Variants in PTPRJ observed in about 807,000 individuals in gnomAD.
The protein encoded by PTPRJ is protein tyrosine phosphatase receptor type J, also known as receptor-type tyrosine-protein phosphatase eta.
A neutral mutation model predicts 141.3 loss-of-function variants in PTPRJ; 129 were observed. The observed-to-expected ratio is 0.91, with a 90% CI of 0.79 to 1.06. PTPRJ has a LOEUF of 1.06. Ranked by LOEUF, PTPRJ falls within the 50% of genes least tolerant of loss-of-function variation. The probability of loss-of-function intolerance (pLI) is 0.00; values close to 1 mark genes in which losing one functional copy is unlikely to be tolerated. For synonymous variants in PTPRJ, 610 were observed against 640.5 expected (o/e 0.95, Z 0.72); for missense variants, 1,601 against 1,679.7 (o/e 0.95, Z 0.82).
intron 1 of PTPRJ, among the ~76,000 whole-genome samples, chr11:48,016,771 G>A (rs1281095228): frequency 2.6e-5 from 4 of 152,114 alleles, no homozygotes; most frequent in Admixed American, 2.6e-4. Context: ...GCTAATGATG[G>A]TGGTGATGGT....
In PTPRJ at chr11:48,051,084, CTTTTTTTTTTTTT is replaced by C. The variant is rs59987198; in HGVS notation, c.97-58957_97-58945del. Among the ~76,000 whole-genome samples the C allele has an allele frequency of 3.4e-4, 27 of 79,318 alleles. No homozygotes were observed. In the South Asian group the frequency reaches 8.1e-3, roughly 24 times the overall value. 52.0% of individuals were successfully genotyped at this position (79,318 alleles called of 152,430 possible). On this transcript the variant is annotated intron_variant, in intron 1 of 24. Transcript: ENST00000418331. Reference sequence around the variant, plus strand: ...GAGGTGATAGCCAGTTAACTGATGACTTTTTTTTTTTTTTTTTTTTTTTTTTTTTGAGATGGAA... The same window carrying C: ...GAGGTGATAGCCAGTTAACTGATGACTTTTTTTTTTTTTTTTGAGATGGAA...
At chr11:48,032,475 C>T (rs1227538086) in intron 1 of PTPRJ, among the ~76,000 whole-genome samples, 11 of 152,154 alleles carry the variant, frequency 7.2e-5, no homozygotes, top group African/African-American at 2.4e-4. Flanking sequence ...AAATCTAGGC[C>T]GGGTGCGGTG....
At chr11:47,985,146 C>T (rs540197822) in intron 1 of PTPRJ, among the ~76,000 whole-genome samples, 8 of 152,058 alleles carry the variant, frequency 5.3e-5, no homozygotes, top group South Asian at 2.1e-4. Flanking sequence ...CCACCGTGCC[C>T]GGCCTGTTTT....
chr11:48,025,341 C>T (rs148131638), intron 1 of PTPRJ, among the ~76,000 whole-genome samples: 182 of 152,232 alleles, frequency 1.2e-3, no homozygotes, highest in Middle Eastern at 6.8e-3. Flanking sequence ...AAAGTACAGC[C>T]CCAGAAAACC....
At chr11:47,999,675 A>G (rs1454693961) in intron 1 of PTPRJ, among the ~76,000 whole-genome samples, 1 of 152,116 alleles carries the variant, frequency 6.6e-6, no homozygotes, top group Non-Finnish European at 1.5e-5. Context: ...TGTGTTGTTA[A>G]TATGTAGCCA....
In PTPRJ at chr11:48,127,851, A is replaced by T; in HGVS notation, c.1165A>T (p.Ser389Cys). The change falls in exon 7 of 25, where the codon AGC (serine) becomes TGC (cysteine). Residue 389 changes from serine (S) to cysteine (C), a missense_variant. Physicochemically the swap from Ser to Cys is moderately radical, Grantham distance 112. Coordinates refer to ENST00000418331, the MANE Select transcript of PTPRJ (RefSeq NM_002843.4). ...AAGCCTGACCCTGATCTGGAAAGTC[A>T]GCGATAACGAGTCGTCATCTAACTA... ...ATSLTLIWKVSDNESSSNYTY... is the reference protein window; with the variant it reads ...ATSLTLIWKVCDNESSSNYTY... The T allele has an allele frequency of 1.9e-6, 3 of 1,614,176 alleles. No homozygotes were observed. Among genetic ancestry groups the T allele is most frequent in the Non-Finnish European group, 2.5e-6 (3 of 1,179,996 alleles).
intron 24 of PTPRJ, among the ~76,000 whole-genome samples, chr11:48,166,998 C>G (rs1240701478): frequency 6.6e-6 from 1 of 152,132 alleles, no homozygotes; most frequent in Non-Finnish European, 1.5e-5. Context: ...GGTTGAGAAT[C>G]ATTGAGGAAG....
intron 2 of PTPRJ, among the ~76,000 whole-genome samples, chr11:48,112,270 G>C (rs1436591180): frequency 6.6e-6 from 1 of 152,210 alleles, no homozygotes; most frequent in Non-Finnish European, 1.5e-5. Context: ...GGGAAATGTG[G>C]TCTTTGTTCC....
At chr11:48,106,763 C>CTTTTTTTTTTTTTTTTTTTTTTTTTTTT (rs35643138) in intron 1 of PTPRJ, among the ~76,000 whole-genome samples, 1 of 86,450 alleles carries the variant, frequency 1.2e-5, no homozygotes, top group African/African-American at 4.4e-5. Flanking sequence ...TTCTTTCTTT[C>CTTTTTTTTTTTTTTTTTTTTTTTTTTTT]TTTTTTTTTT....
chr11:48,149,157 C>A (rs1279629078), intron 15 of PTPRJ, among the ~76,000 whole-genome samples: 5 of 152,178 alleles, frequency 3.3e-5, no homozygotes, highest in Admixed American at 1.3e-4. Context: ...TAAAGTAATG[C>A]CACTGCTATA....
intron 1 of PTPRJ, among the ~76,000 whole-genome samples, chr11:48,005,248 T>C (rs1854593150): frequency 6.6e-6 from 1 of 151,208 alleles, no homozygotes; most frequent in South Asian, 2.1e-4. Context: ...TACAGTTCAG[T>C]TGTTTTTAGT....
intron 1 of PTPRJ, among the ~76,000 whole-genome samples, chr11:48,033,528 C>T (rs1370229388): frequency 6.6e-6 from 1 of 152,134 alleles, no homozygotes; most frequent in Non-Finnish European, 1.5e-5. Flanking sequence ...AGTACCTGTT[C>T]ATCTTGTTGA....
At chr11:48,029,832 A>ATTC (rs1208974477) in intron 1 of PTPRJ, among the ~76,000 whole-genome samples, 2 of 152,210 alleles carry the variant, frequency 1.3e-5, no homozygotes, top group Non-Finnish European at 2.9e-5. Context: ...TAAGAGAAAG[A>ATTC]AGGAAAATAG....
chr11:48,142,112 C>T (rs1393471250), intron 11 of PTPRJ, among the ~76,000 whole-genome samples: 1 of 152,076 alleles, frequency 6.6e-6, no homozygotes, highest in African/African-American at 2.4e-5. Context: ...TGTCTTTTCC[C>T]CATTGTGTCT....
chr11:48,044,042 G>T (rs1475552750), intron 1 of PTPRJ, among the ~76,000 whole-genome samples: 2 of 152,194 alleles, frequency 1.3e-5, no homozygotes, highest in African/African-American at 4.8e-5. Context: ...CCAAAACTAG[G>T]TGGTCAGCTT....
rs1409296614 is a variant in PTPRJ, at chr11:47,980,615, C to T, written c.-298C>T. 1.0e-6 allele frequency: 1 copy of T among 983,424 alleles called. No individual in the cohort carries two copies. Among genetic ancestry groups the T allele is most frequent in the Admixed American group, 6.2e-5 (1 of 16,054 alleles). The allele number at this position is 983,424 out of a possible 1,614,324, so 60.9% of individuals were successfully genotyped here. On this transcript the variant is annotated 5_prime_UTR_variant, in exon 1 of 25. Transcript: ENST00000418331. ...GCGGGAGCAGCCGCGGGAGCCGGGACCGGGTAGCCGCGCGCTGGGGGTGGG... is the reference window on the plus strand; with the variant it reads ...GCGGGAGCAGCCGCGGGAGCCGGGATCGGGTAGCCGCGCGCTGGGGGTGGG...
chr11:48,110,072 T>G lies in PTPRJ; in HGVS notation c.111T>G (p.Gly37=). ...LLRLGQILCA[G]GTPSPIPDPS... is the part of the protein sequence containing the mutation. ...TTCTGTTTCAGATCCTGTGCGCAGG[T>G]GGCAGTGAGTACCCTTTTCCTCTCT... Residue 37 remains glycine (G), a synonymous_variant, in exon 2 of 25, where the codon GGT becomes GGG. Transcript: ENST00000418331. The G allele has an allele frequency of 6.2e-7, 1 of 1,613,904 alleles. No individual in the cohort carries two copies. The highest frequency in any genetic ancestry group is 8.5e-7 in the Non-Finnish European group (1 of 1,179,764).
At position 47,980,886 on chromosome 11, in the gene PTPRJ, CG is replaced by C; in HGVS notation, c.-23del. On this transcript the variant is annotated 5_prime_UTR_variant, in exon 1 of 25. Coordinates refer to ENST00000418331, the MANE Select transcript of PTPRJ (RefSeq NM_002843.4). Reference sequence around the variant, plus strand: ...CACGGCGGGGCCCGATTCGCGCGTCCGGGGCACGTTCCAGGGCGCGCGGGGC... The same window carrying C: ...CACGGCGGGGCCCGATTCGCGCGTCCGGGCACGTTCCAGGGCGCGCGGGGC... 1 of 1,126,266 alleles carries C rather than the reference CG, an allele frequency of 8.9e-7. No individual in the cohort carries two copies. The highest frequency in any genetic ancestry group is 1.1e-6 in the Non-Finnish European group (1 of 921,528). The allele number at this position is 1,126,266 out of a possible 1,614,324, so 69.8% of individuals were successfully genotyped here.
Position 48,064,599 on chromosome 11 carries a change from G to GTATTTATT in PTPRJ, c.97-45444_97-45437dup, listed in dbSNP as rs1034092227. Among the ~76,000 whole-genome samples, 3 of 133,044 alleles carry GTATTTATT rather than the reference G, an allele frequency of 2.3e-5. No individual in the cohort carries two copies. The South Asian group carries it at 6.7e-4, about 30-fold the overall frequency. 87.3% of individuals were successfully genotyped at this position (133,044 alleles called of 152,430 possible). A position where few individuals can be genotyped will look rare whatever the true frequency, so the allele number is the denominator to read the frequency against. ...CCACTACGAAGCCCGAGCTGCAAATGTATTTATTTATTTATTTATTTAGAG... is the reference window on the plus strand; with the variant it reads ...CCACTACGAAGCCCGAGCTGCAAATGTATTTATTTATTTATTTATTTATTTATTTAGAG... On this transcript the variant is annotated intron_variant, in intron 1 of 24. Coordinates refer to ENST00000418331, the MANE Select transcript of PTPRJ (RefSeq NM_002843.4).
Sources: allele counts gnomAD v4.1 joint callset (sites outside exome capture counted in the v4.1 genomes callset), GRCh38; gene constraint gnomAD v4.1.1; transcripts MANE v1.5; gene names NCBI Gene and HGNC (gene_info 2026-07-23, HGNC 2026-07-21).